Variants in ARL8B observed in about 807,000 individuals in gnomAD.
ARL8B encodes ADP-ribosylation factor-like protein 8B.
ARL8B carries 9 observed loss-of-function variants against 30.6 expected under a neutral mutation model. That is an observed-to-expected ratio of 0.29 (90% CI 0.18 to 0.51). The LOEUF is 0.51. Ranked by LOEUF, ARL8B falls within the 20% of genes least tolerant of loss-of-function variation. The pLI, the probability that ARL8B is intolerant of heterozygous loss-of-function variation, is 0.97. For missense variants in ARL8B, 130 were observed against 227.2 expected (o/e 0.57, Z 2.75); for synonymous variants, 74 against 76.0 (o/e 0.97, Z 0.14).
chr3:5,172,737 T>C lies in ARL8B; in HGVS notation c.369T>C (p.Ile123=). 1 of 1,579,076 alleles carries C rather than the reference T, an allele frequency of 6.3e-7. No homozygotes were observed. The highest frequency in any genetic ancestry group is 8.7e-7 in the Non-Finnish European group (1 of 1,150,266). Residue 123 remains isoleucine (I), a synonymous_variant, in exon 4 of 7, where the codon ATT becomes ATC. Coordinates refer to ENST00000256496, the MANE Select transcript of ARL8B (RefSeq NM_018184.3). ...TAGATAAACCACAGTTACAAGGAATTCCAGTAAGTATGGAATACTTGTTAT... is the reference window on the plus strand; with the variant it reads ...TAGATAAACCACAGTTACAAGGAATCCCAGTAAGTATGGAATACTTGTTAT... ...NLLDKPQLQG[I]PVLVLGNKRD...
intron 1 of ARL8B, among the ~76,000 whole-genome samples, chr3:5,139,452 G>C (rs138991907): frequency 6.6e-6 from 1 of 152,296 alleles, no homozygotes; most frequent in African/African-American, 2.4e-5. Context: ...CTGATAAGGG[G>C]TTATGGAGAT....
rs1258038852 is a variant in ARL8B at position 5,122,333 on chromosome 3, G to A, written c.-133G>A. 4.6e-6 allele frequency: 7 copies of A among 1,532,768 alleles called. 1 individual carries two copies. Among genetic ancestry groups the A allele is most frequent in the Non-Finnish European group, 6.1e-6 (7 of 1,141,118 alleles). 94.9% of individuals were successfully genotyped at this position (1,532,768 alleles called of 1,614,324 possible). A position where few individuals can be genotyped will look rare whatever the true frequency, so the allele number is the denominator to read the frequency against. ...TTCCTGGGTCTGGCTGCTGCCGCCC[G>A]CCGGTGTCCGCCCGTGTCGCGCCGG... is the stretch of plus-strand genomic sequence containing the variant. On this transcript the variant is annotated 5_prime_UTR_variant, in exon 1 of 7. Transcript: ENST00000256496.
chr3:5,166,497 C>T (rs2054625683), intron 1 of ARL8B, among the ~76,000 whole-genome samples: 1 of 151,918 alleles, frequency 6.6e-6, no homozygotes, highest in African/African-American at 2.4e-5. Context: ...CCCACCATGC[C>T]TGGCTAATTT....
rs947583020 is a variant in ARL8B, at chr3:5,179,463, GT to G, written c.*756del. 1 of 152,274 alleles carries G rather than the reference GT, an allele frequency of 6.6e-6. No individual in the cohort carries two copies. The highest frequency in any genetic ancestry group is 2.4e-5 in the African/African-American group (1 of 41,430). The allele number at this position is 152,274 out of a possible 1,614,324, so 9.4% of individuals were successfully genotyped here. A position where few individuals can be genotyped will look rare whatever the true frequency, so the allele number is the denominator to read the frequency against. ...GTCCAGATCATTATTTCTGTCTCTTGTTTTTTCTTCCTGGTTCAGGATACTT... is the reference window on the plus strand; with the variant it reads ...GTCCAGATCATTATTTCTGTCTCTTGTTTTTCTTCCTGGTTCAGGATACTT... On this transcript the variant is annotated 3_prime_UTR_variant, in exon 7 of 7. Coordinates refer to ENST00000256496, the MANE Select transcript of ARL8B (RefSeq NM_018184.3).
chr3:5,175,429 C>A (rs1238892109), intron 6 of ARL8B, among the ~76,000 whole-genome samples: 3 of 152,158 alleles, frequency 2.0e-5, no homozygotes, highest in African/African-American at 7.2e-5. Context: ...AACAAAATGG[C>A]ATTTTTGAAA....
At chr3:5,166,350 T>G (rs1313599279) in intron 1 of ARL8B, among the ~76,000 whole-genome samples, 7 of 58,122 alleles carry the variant, frequency 1.2e-4, no homozygotes, top group African/African-American at 4.9e-4. Flanking sequence ...TATCTTTCGT[T>G]TTTTTTTTTT....
intron 1 of ARL8B, chr3:5,128,502 T>TA (rs1257318714): frequency 6.6e-6 from 3 of 452,700 alleles, no homozygotes; most frequent in Non-Finnish European, 8.9e-6. Context: ...AAGAAGCTGT[T>TA]AGAGTGCAAT....
At chr3:5,150,326 G>A (rs1424994695) in intron 1 of ARL8B, among the ~76,000 whole-genome samples, 3 of 151,886 alleles carry the variant, frequency 2.0e-5, no homozygotes, top group Non-Finnish European at 4.4e-5. Flanking sequence ...AGCCAGGCGT[G>A]GTGGCACACG....
At position 5,127,789 on chromosome 3, in the gene ARL8B, C is replaced by T. The variant is rs576872979; in HGVS notation, c.123+5201C>T. Among the ~76,000 whole-genome samples the T allele has an allele frequency of 5.3e-4, 74 of 138,686 alleles. 1 individual carries two copies. Among genetic ancestry groups the T allele is most frequent in the African/African-American group, 1.4e-3 (54 of 37,344 alleles). 91.0% of individuals were successfully genotyped at this position (138,686 alleles called of 152,430 possible). A position where few individuals can be genotyped will look rare whatever the true frequency, so the allele number is the denominator to read the frequency against. On this transcript the variant is annotated intron_variant, in intron 1 of 6. Transcript: ENST00000256496. The stretch of plus-strand genomic sequence containing the variant: ...TCGGGAGGCTGAGGTAGGAGAATGG[C>T]GTGAACCTTGGAGGCAGAGCTTGCA...
chr3:5,148,007 G>A (rs921611478), intron 1 of ARL8B, among the ~76,000 whole-genome samples: 1 of 151,100 alleles, frequency 6.6e-6, no homozygotes, highest in Non-Finnish European at 1.5e-5. Context: ...TATCCCATTT[G>A]GGGTCAACGT....
intron 6 of ARL8B, among the ~76,000 whole-genome samples, chr3:5,175,205 T>C (rs1229767713): frequency 3.3e-5 from 5 of 152,128 alleles, no homozygotes; most frequent in African/African-American, 1.2e-4. Flanking sequence ...ACAATGTTAA[T>C]GAGAAAAAAA....
At chr3:5,129,636 G>A (rs1164517593) in intron 1 of ARL8B, among the ~76,000 whole-genome samples, 1 of 152,064 alleles carries the variant, frequency 6.6e-6, no homozygotes, top group African/African-American at 2.4e-5. Flanking sequence ...CACCTCCTGG[G>A]CCCTGGCTCA....
intron 1 of ARL8B, among the ~76,000 whole-genome samples, chr3:5,126,961 A>G (rs2054235180): frequency 6.6e-6 from 1 of 152,242 alleles, no homozygotes; most frequent in African/African-American, 2.4e-5. Context: ...TATGGACATT[A>G]TGTATTTTTT....
At chr3:5,158,174 G>A (rs1476586849) in intron 1 of ARL8B, among the ~76,000 whole-genome samples, 2 of 152,090 alleles carry the variant, frequency 1.3e-5, no homozygotes, top group East Asian at 1.9e-4. Flanking sequence ...AGTAGAGGTA[G>A]GGTTTCACTA....
chr3:5,162,936 T>A (rs543473478), intron 1 of ARL8B, among the ~76,000 whole-genome samples: 1 of 152,074 alleles, frequency 6.6e-6, no homozygotes, highest in African/African-American at 2.4e-5. Flanking sequence ...GAGTCTCCCA[T>A]GTTTGTTGGG....
At chr3:5,175,947 A>G (rs774930999) in intron 6 of ARL8B, among the ~76,000 whole-genome samples, 2 of 152,200 alleles carry the variant, frequency 1.3e-5, no homozygotes, top group Non-Finnish European at 2.9e-5. Context: ...CCCTATTTCC[A>G]GTAAAAGTCA....
Position 5,180,254 on chromosome 3 carries a change from ACTTG to A in ARL8B, c.*1545_*1548del. 1 of 152,760 alleles carries A rather than the reference ACTTG, an allele frequency of 6.5e-6. No homozygotes were observed. The highest frequency in any genetic ancestry group is 1.9e-4 in the East Asian group (1 of 5,192). 9.5% of individuals were successfully genotyped at this position (152,760 alleles called of 1,614,324 possible). A position where few individuals can be genotyped will look rare whatever the true frequency, so the allele number is the denominator to read the frequency against. Reference sequence around the variant, plus strand: ...TACTGCACTGTGTTGCACAGACACTACTTGCTTTTCTCCATTCATATTTTTATGA... The same window carrying A: ...TACTGCACTGTGTTGCACAGACACTACTTTTCTCCATTCATATTTTTATGA... On this transcript the variant is annotated 3_prime_UTR_variant, in exon 7 of 7. Coordinates refer to ENST00000256496, the MANE Select transcript of ARL8B (RefSeq NM_018184.3).
chr3:5,152,263 A>G (rs1422098222), intron 1 of ARL8B, among the ~76,000 whole-genome samples: 4 of 152,090 alleles, frequency 2.6e-5, no homozygotes, highest in African/African-American at 7.2e-5. Flanking sequence ...AAGTTTTGTT[A>G]GGTGCATACT....
chr3:5,178,139 A>T (rs1473564058), intron 6 of ARL8B, among the ~76,000 whole-genome samples: 1 of 152,216 alleles, frequency 6.6e-6, no homozygotes, highest in Non-Finnish European at 1.5e-5. Context: ...CTTGGCAGTG[A>T]CAGCCTCCTC....
Sources: gnomAD v4.1 joint callset for allele counts (sites outside exome capture counted in the v4.1 genomes callset) on GRCh38, gnomAD v4.1.1 for gene constraint, MANE v1.5 for transcripts, NCBI Gene and HGNC (gene_info 2026-07-23, HGNC 2026-07-21) for gene names.